The following DCC variants were observed in gnomAD, a reference collection of about 807,000 sequenced individuals.
DCC encodes the protein netrin receptor DCC.
A neutral mutation model predicts 172.5 loss-of-function variants in DCC; 58 were observed. The ratio of observed to expected loss-of-function variants is 0.34; its 90% CI spans 0.27 to 0.42. DCC has a LOEUF of 0.42. DCC is among the 10% of genes least tolerant of loss of function. DCC has a pLI of 1.00. For synonymous variants in DCC, 709 were observed against 644.5 expected (o/e 1.10, Z -1.52); for missense variants, 1,740 against 1,791.0 (o/e 0.97, Z 0.51).
intron 21 of DCC, among the ~76,000 whole-genome samples, chr18:53,423,524 G>C (rs908766043): frequency 2.6e-5 from 4 of 152,136 alleles, no homozygotes; most frequent in Non-Finnish European, 5.9e-5. Flanking sequence ...ACTACATGCT[G>C]TAATGTGTAC....
intron 14 of DCC, among the ~76,000 whole-genome samples, chr18:53,328,308 G>A (rs1487873147): frequency 6.6e-6 from 1 of 152,142 alleles, no homozygotes; most frequent in Non-Finnish European, 1.5e-5. Flanking sequence ...TAATGACTAG[G>A]TTTGGATCCA....
chr18:53,148,863 G>T, intron 7 of DCC, among the ~76,000 whole-genome samples: 1 of 72,238 alleles, frequency 1.4e-5, no homozygotes, highest in Admixed American at 1.6e-4. Context: ...ACTTCCCAAT[G>T]CCTTTTTTTT....
intron 1 of DCC, among the ~76,000 whole-genome samples, chr18:52,737,600 C>A (rs950813927): frequency 6.6e-6 from 1 of 151,902 alleles, no homozygotes; most frequent in Non-Finnish European, 1.5e-5. Context: ...ATAGGTACAG[C>A]GGGGAGTAGT....
chr18:52,533,730 C>A (rs1328475966), intron 1 of DCC, among the ~76,000 whole-genome samples: 1 of 151,034 alleles, frequency 6.6e-6, no homozygotes, highest in Non-Finnish European at 1.5e-5. Flanking sequence ...TGTGTGAATA[C>A]AAGTTTTTAT....
chr18:52,682,607 T>G (rs1219029498), intron 1 of DCC, among the ~76,000 whole-genome samples: 2 of 152,088 alleles, frequency 1.3e-5, no homozygotes, highest in Non-Finnish European at 2.9e-5. Context: ...GCATCTGCTA[T>G]GAGGTGCTAT....
intron 8 of DCC, among the ~76,000 whole-genome samples, chr18:53,168,045 A>C (rs2144431042): frequency 6.6e-6 from 1 of 152,306 alleles, no homozygotes; most frequent in East Asian, 1.9e-4. Context: ...AATGGCGATT[A>C]TTAAAAAGTC....
chr18:53,482,466 C>G (rs2045844540), intron 25 of DCC, among the ~76,000 whole-genome samples: 1 of 152,084 alleles, frequency 6.6e-6, no homozygotes, highest in Non-Finnish European at 1.5e-5. Context: ...TAAGTTCAGT[C>G]TCTAGAGTGC....
At chr18:53,430,798 G>A (rs1235172948) in intron 21 of DCC, among the ~76,000 whole-genome samples, 2 of 152,066 alleles carry the variant, frequency 1.3e-5, no homozygotes, top group African/African-American at 4.8e-5. Context: ...ACTTCAGTTA[G>A]CACAAAGGAA....
At chr18:53,242,873 T>C (rs570214879) in intron 12 of DCC, among the ~76,000 whole-genome samples, 2 of 38,062 alleles carry the variant, frequency 5.3e-5, no homozygotes, top group African/African-American at 2.6e-4. Context: ...GACAAGTAGG[T>C]GTGTGTGTGT....
chr18:53,270,439 C>T (rs562998422), intron 12 of DCC, among the ~76,000 whole-genome samples: 14 of 152,068 alleles, frequency 9.2e-5, no homozygotes, highest in African/African-American at 2.9e-4. Flanking sequence ...TTCTAAAAAC[C>T]TAATTATATA....
intron 2 of DCC, among the ~76,000 whole-genome samples, chr18:52,858,290 C>G (rs1287933287): frequency 1.3e-5 from 2 of 152,202 alleles, no homozygotes; most frequent in Non-Finnish European, 2.9e-5. Context: ...GGACTGTCAG[C>G]TCCCATGCTC....
At chr18:53,072,011 C>T (rs2042658422) in intron 7 of DCC, among the ~76,000 whole-genome samples, 1 of 152,022 alleles carries the variant, frequency 6.6e-6, no homozygotes, top group Admixed American at 6.6e-5. Context: ...GCCTGTAATC[C>T]CAGCTACTTG....
intron 2 of DCC, among the ~76,000 whole-genome samples, chr18:52,787,337 T>A (rs1308419979): frequency 6.6e-6 from 1 of 152,132 alleles, no homozygotes; most frequent in Non-Finnish European, 1.5e-5. Flanking sequence ...TTAATATGGC[T>A]TGATGATAAA....
intron 8 of DCC, among the ~76,000 whole-genome samples, chr18:53,169,561 G>A (rs2054980569): frequency 6.6e-6 from 1 of 152,126 alleles, no homozygotes; most frequent in Admixed American, 6.6e-5. Flanking sequence ...GAGTTAGGGG[G>A]AAAGGAATGA....
At chr18:52,819,289 G>C (rs2038360864) in intron 2 of DCC, among the ~76,000 whole-genome samples, 1 of 152,070 alleles carries the variant, frequency 6.6e-6, no homozygotes, top group Non-Finnish European at 1.5e-5. Flanking sequence ...ATCCAGCAAT[G>C]TCATTTTCCG....
chr18:52,357,440 A>G (rs1013339065), intron 1 of DCC, among the ~76,000 whole-genome samples: 3 of 152,238 alleles, frequency 2.0e-5, no homozygotes, highest in African/African-American at 7.2e-5. Flanking sequence ...AAGAAAATCA[A>G]CCAAGTAGTT....
At chr18:53,451,710 G>GCTCTCTCT (rs371232356) in intron 23 of DCC, among the ~76,000 whole-genome samples, 4,884 of 147,372 alleles carry the variant, frequency 0.033, 146 homozygotes, top group African/African-American at 0.075. Context: ...GCTCGCTCTT[G>GCTCTCTCT]CTCTCTCTCT....
intron 7 of DCC, among the ~76,000 whole-genome samples, chr18:53,110,842 G>A (rs1348302456): frequency 4.8e-5 from 6 of 124,236 alleles, no homozygotes; most frequent in South Asian, 3.1e-4. Context: ...TCAGTGTGGC[G>A]ATTCCTCAGG....
At chr18:53,298,397 G>A (rs1056782764) in intron 12 of DCC, among the ~76,000 whole-genome samples, 5 of 151,438 alleles carry the variant, frequency 3.3e-5, no homozygotes, top group African/African-American at 9.7e-5. Flanking sequence ...GTATTTAGCC[G>A]GACTATGTGG....
Sources: gnomAD v4.1 joint callset for allele counts (sites outside exome capture counted in the v4.1 genomes callset) on GRCh38, gnomAD v4.1.1 for gene constraint, MANE v1.5 for transcripts, NCBI Gene and HGNC (gene_info 2026-07-23, HGNC 2026-07-21) for gene names.